The following ELOVL7 variants were observed in gnomAD, a reference collection of about 807,000 sequenced individuals.
ELOVL7 encodes the protein ELOVL fatty acid elongase 7.
ELOVL7 carries 27 observed loss-of-function variants against 35.7 expected under a neutral mutation model. The observed-to-expected ratio is 0.76, with a 90% CI of 0.56 to 1.04. The LOEUF (loss-of-function observed/expected upper bound fraction) is 1.04, where lower values mean the gene tolerates loss of function less well. Among genes scored for constraint, ELOVL7 ranks in the 50% least tolerant of loss-of-function variants. The pLI is 0.00. For missense variants in ELOVL7, 327 were observed against 340.8 expected, an observed-to-expected ratio of 0.96 and a Z score of 0.32; for synonymous variants, 113 against 114.6, an observed-to-expected ratio of 0.99 and a Z score of 0.09.
intron 1 of ELOVL7, among the ~76,000 whole-genome samples, chr5:60,835,245 T>G (rs1237308765): frequency 6.8e-6 from 1 of 147,108 alleles, no homozygotes; most frequent in African/African-American, 2.5e-5. Context: ...GAGGAAGAGC[T>G]CCTCACCAAT....
chr5:60,772,059 C>T lies in ELOVL7; in HGVS notation c.99G>A (p.Ser33=), dbSNP rs150312172. Residue 33 remains serine (S), a synonymous_variant, in exon 4 of 9, where the codon TCG becomes TCA. Coordinates refer to ENST00000508821, the MANE Select transcript of ELOVL7 (RefSeq NM_024930.3). ...CTAGGAGGATGGTTTGTGGCAGAGG[C>T]GAGGACATGAGGAGCCAATCTTCAA... ...PRVEDWLLMS[S]PLPQTILLGF... 152 of 1,612,196 alleles carry T rather than the reference C, an allele frequency of 9.4e-5. 1 individual carries two copies. The African/African-American group carries it at 1.7e-3, about 19-fold the overall frequency.
At chr5:60,805,456 T>C (rs575889615) in intron 1 of ELOVL7, among the ~76,000 whole-genome samples, 1 of 152,240 alleles carries the variant, frequency 6.6e-6, no homozygotes, top group South Asian at 2.1e-4. Context: ...GGCTAAATAA[T>C]TTTTTTAGAG....
Position 60,770,774 on chromosome 5 carries a change from T to C in ELOVL7, c.255+1129A>G, listed in dbSNP as rs1742531953. ...GTCACTAGACATGATCACGGCTCAT[T>C]GCAGCCTTGACCTCCCAGGCTCAAG... is the stretch of plus-strand genomic sequence containing the variant. On this transcript the variant is annotated intron_variant, in intron 4 of 8. Transcript: ENST00000508821. Among the ~76,000 whole-genome samples the C allele has an allele frequency of 1.3e-5, 2 of 152,226 alleles. 1 individual carries two copies. Among genetic ancestry groups the C allele is most frequent in the South Asian group, 4.1e-4 (2 of 4,832 alleles).
At chr5:60,761,549 C>T (rs1297432095) in intron 7 of ELOVL7, among the ~76,000 whole-genome samples, 1 of 152,112 alleles carries the variant, frequency 6.6e-6, no homozygotes, top group African/African-American at 2.4e-5. Flanking sequence ...CTATTATTTA[C>T]TCTATCAAAG....
chr5:60,783,075 A>G (rs1743359222), intron 3 of ELOVL7, among the ~76,000 whole-genome samples: 2 of 152,160 alleles, frequency 1.3e-5, no homozygotes, highest in Admixed American at 6.5e-5. Context: ...TCAGCAGCCA[A>G]CAATTTGTTA....
intron 2 of ELOVL7, among the ~76,000 whole-genome samples, chr5:60,798,659 T>A (rs977951001): frequency 6.6e-6 from 1 of 152,120 alleles, no homozygotes; most frequent in East Asian, 1.9e-4. Context: ...CAAGAGAATA[T>A]AACAATTATA....
chr5:60,763,779 G>T (rs1408319767), intron 7 of ELOVL7, among the ~76,000 whole-genome samples: 1 of 152,106 alleles, frequency 6.6e-6, no homozygotes, highest in Non-Finnish European at 1.5e-5. Flanking sequence ...AGCTATTAGG[G>T]GTTAGAGTGT....
intron 1 of ELOVL7, among the ~76,000 whole-genome samples, chr5:60,812,557 CAG>C (rs1745295791): frequency 6.6e-6 from 1 of 152,176 alleles, no homozygotes; most frequent in Non-Finnish European, 1.5e-5. Flanking sequence ...GTAGATATGA[CAG>C]ACTGTGATTT....
rs377085404 is a variant in ELOVL7 at position 60,790,938 on chromosome 5, T to C, written c.-34-3507A>G. 2.3e-4 allele frequency among the ~76,000 whole-genome samples: 35 copies of C among 152,260 alleles called. 1 individual carries two copies. The highest frequency in any genetic ancestry group is 7.9e-4 in the African/African-American group (33 of 41,536). The stretch of plus-strand genomic sequence containing the variant: ...TGAGCATTCAATCAAACTTATCCTT[T>C]TGTTTTAGTTTTAGGGTGGTTGTTT... On this transcript the variant is annotated intron_variant, in intron 2 of 8. Transcript: ENST00000508821.
chr5:60,769,570 T>C (rs1019084701), intron 4 of ELOVL7, among the ~76,000 whole-genome samples: 11 of 152,336 alleles, frequency 7.2e-5, no homozygotes, highest in Non-Finnish European at 1.2e-4. Context: ...GGTAGAGGTG[T>C]TTGCTTTGTA....
intron 1 of ELOVL7, among the ~76,000 whole-genome samples, chr5:60,830,255 A>G (rs1164982576): frequency 6.6e-6 from 1 of 152,220 alleles, no homozygotes; most frequent in Non-Finnish European, 1.5e-5. Context: ...GCTTTCATGG[A>G]GTTTACATTC....
rs182169646 is a variant in ELOVL7 at position 60,782,541 on chromosome 5, C to T, written c.64+4793G>A. On this transcript the variant is annotated intron_variant, in intron 3 of 8. Transcript: ENST00000508821. ...TGAATGGATAAAGAAAATGTGATAC[C>T]TGTCAATCTAAAGTTATGCCTTTCT... Among the ~76,000 whole-genome samples, 391 of 152,256 alleles carry T rather than the reference C, an allele frequency of 2.6e-3. 2 individuals are homozygous for T. Among genetic ancestry groups the T allele is most frequent in the African/African-American group, 9.1e-3 (379 of 41,556 alleles).
chr5:60,797,392 AC>A (rs144934180), intron 2 of ELOVL7, among the ~76,000 whole-genome samples: 1 of 152,316 alleles, frequency 6.6e-6, no homozygotes, highest in African/African-American at 2.4e-5. Context: ...GGTTGTTCAC[AC>A]TGCCTTGGAA....
In ELOVL7 at chr5:60,753,705, C is replaced by T. The variant is rs1336216995; in HGVS notation, c.*919G>A. On this transcript the variant is annotated 3_prime_UTR_variant, in exon 9 of 9. Coordinates refer to ENST00000508821, the MANE Select transcript of ELOVL7 (RefSeq NM_024930.3). ...ATAATATGAACATTTAAGTATCTAA[C>T]CTATATATTTCACCAAGATAATAAT... 1 of 152,052 alleles carries T rather than the reference C, an allele frequency of 6.6e-6. No individual in the cohort carries two copies. Among genetic ancestry groups the T allele is most frequent in the Non-Finnish European group, 1.5e-5 (1 of 68,004 alleles). 9.4% of individuals were successfully genotyped at this position (152,052 alleles called of 1,614,324 possible). A position where few individuals can be genotyped will look rare whatever the true frequency, so the allele number is the denominator to read the frequency against.
chr5:60,776,034 G>A (rs1266789914), intron 3 of ELOVL7, among the ~76,000 whole-genome samples: 21 of 152,216 alleles, frequency 1.4e-4, no homozygotes, highest in Non-Finnish European at 1.0e-4. Flanking sequence ...AACTAACAGA[G>A]TAAACAGACA....
intron 8 of ELOVL7, among the ~76,000 whole-genome samples, chr5:60,755,189 C>T (rs867648860): frequency 7.9e-5 from 12 of 152,346 alleles, no homozygotes; most frequent in Admixed American, 3.3e-4. Context: ...CCATGCACTA[C>T]ATGTGGCCTA....
intron 3 of ELOVL7, among the ~76,000 whole-genome samples, chr5:60,773,774 C>T (rs1246549932): frequency 6.6e-6 from 1 of 152,176 alleles, no homozygotes; most frequent in Non-Finnish European, 1.5e-5. Flanking sequence ...CCAAACTATG[C>T]ATGGAAACAA....
chr5:60,806,970 T>C lies in ELOVL7; in HGVS notation c.-85-7740A>G, dbSNP rs534214735. ...GGCAACCAAATAAGGAAGGGCTACA[T>C]ACAAATGTTCTAAATTGCAAAACGC... On this transcript the variant is annotated intron_variant, in intron 1 of 8. Coordinates refer to ENST00000508821, the MANE Select transcript of ELOVL7 (RefSeq NM_024930.3). Among the ~76,000 whole-genome samples the C allele has an allele frequency of 2.6e-5, 4 of 152,302 alleles. No homozygotes were observed. The South Asian group carries it at 8.3e-4, about 32-fold the overall frequency.
At chr5:60,839,029 A>T (rs34540810) in intron 1 of ELOVL7, among the ~76,000 whole-genome samples, 23,932 of 83,096 alleles carry the variant, frequency 0.29, 2,690 homozygotes, top group African/African-American at 0.41. Flanking sequence ...GTCAAAAAAA[A>T]ATATATATAT....
Sources: gnomAD v4.1 joint callset for allele counts (sites outside exome capture counted in the v4.1 genomes callset) on GRCh38, gnomAD v4.1.1 for gene constraint, MANE v1.5 for transcripts, NCBI Gene and HGNC (gene_info 2026-07-23, HGNC 2026-07-21) for gene names.